Variants in SYNPO2 observed in about 807,000 individuals in gnomAD.
The protein encoded by SYNPO2 is synaptopodin 2, also known as synaptopodin-2.
A neutral mutation model predicts 85.0 loss-of-function variants in SYNPO2; 56 were observed. That is an observed-to-expected ratio of 0.66 (90% CI 0.53 to 0.82). The LOEUF (loss-of-function observed/expected upper bound fraction) is 0.82, where lower values mean the gene tolerates loss of function less well. Ranked by LOEUF, SYNPO2 falls within the 40% of genes least tolerant of loss-of-function variation. The pLI is 0.00. For synonymous variants in SYNPO2, 602 were observed against 591.1 expected, an observed-to-expected ratio of 1.02 and a Z score of -0.27; for missense variants, 1,575 against 1,534.2, an observed-to-expected ratio of 1.03 and a Z score of -0.44.
In SYNPO2 at chr4:118,876,507, A is replaced by T. The variant is rs576362831; in HGVS notation, c.12+25567A>T. Among the ~76,000 whole-genome samples, 3 of 152,260 alleles carry T rather than the reference A, an allele frequency of 2.0e-5. No individual in the cohort carries two copies. In the East Asian group the frequency reaches 5.8e-4, roughly 29 times the overall value. ...TCTCCAGTAAAATGTAGTCTCCAAG[A>T]TGCCAAGGAGGCATCTTTCCTTTGT... On this transcript the variant is annotated intron_variant, in intron 1 of 4. Coordinates refer to the SYNPO2 transcript ENST00000610556.
chr4:119,038,316 C>A, intron 4 of SYNPO2: 1 of 984,640 alleles, frequency 1.0e-6, no homozygotes. Context: ...GATGCTATGA[C>A]GCATGTTGAA....
upstream of SYNPO2, among the ~76,000 whole-genome samples, chr4:118,886,540 A>G (rs1732203190): frequency 6.6e-6 from 1 of 152,152 alleles, no homozygotes; most frequent in Non-Finnish European, 1.5e-5. Flanking sequence ...GCTGAGAATG[A>G]TGGCTTCCAG....
At chr4:118,891,406 CT>C (rs1732376754) in intron 1 of SYNPO2, among the ~76,000 whole-genome samples, 1 of 152,124 alleles carries the variant, frequency 6.6e-6, no homozygotes, top group Admixed American at 6.6e-5. Context: ...GTTAAAAAGA[CT>C]AAAGAGCTAT....
At chr4:118,977,075 T>TG (rs1257863146) in intron 1 of SYNPO2, among the ~76,000 whole-genome samples, 1 of 152,162 alleles carries the variant, frequency 6.6e-6, no homozygotes. Flanking sequence ...GGGTGGTCGA[T>TG]GGGACTGGGC....
chr4:119,016,442 A>G (rs1158460284), intron 1 of SYNPO2, among the ~76,000 whole-genome samples: 1 of 152,120 alleles, frequency 6.6e-6, no homozygotes, highest in Non-Finnish European at 1.5e-5. Flanking sequence ...ATCAACTAAA[A>G]TTTAGGAAAC....
chr4:118,916,998 G>A (rs1290605261), intron 1 of SYNPO2, among the ~76,000 whole-genome samples: 1 of 152,000 alleles, frequency 6.6e-6, no homozygotes, highest in Non-Finnish European at 1.5e-5. Context: ...GCCTCTCAAA[G>A]TGTTGGGATT....
intron 1 of SYNPO2, among the ~76,000 whole-genome samples, chr4:118,918,558 G>A (rs1434177072): frequency 6.6e-6 from 1 of 152,140 alleles, no homozygotes; most frequent in Non-Finnish European, 1.5e-5. Flanking sequence ...ACTGGGAATA[G>A]TTCTCCTCTG....
intron 1 of SYNPO2, among the ~76,000 whole-genome samples, chr4:118,876,225 A>G (rs988693472): frequency 3.9e-5 from 6 of 152,110 alleles, no homozygotes; most frequent in Admixed American, 6.5e-5. Flanking sequence ...CCACACTTCA[A>G]TTGCACTAGT....
Position 119,057,862 on chromosome 4 carries a change from G to T in SYNPO2, c.3714G>T (p.Arg1238Ser), listed in dbSNP as rs778058218. 6.2e-7 allele frequency: 1 copy of T among 1,614,028 alleles called. No individual in the cohort carries two copies. Among genetic ancestry groups the T allele is most frequent in the East Asian group, 2.2e-5 (1 of 44,862 alleles). Residue 1238 changes from arginine to serine, a missense_variant, in exon 5 of 5, where the codon AGG becomes AGT. Physicochemically the swap from Arg to Ser is moderately radical, Grantham distance 110 (BLOSUM62 -1). Coordinates refer to ENST00000307142, the MANE Select transcript of SYNPO2 (RefSeq NM_133477.3). ...CTGCAATCATGTCCATGGAAACCAG[G>T]TCTGATTACTGTCTTCCAGTAGCTG... Reference protein sequence around the residue: ...NDSAIMSMETRSDYCLPVADY... With the variant: ...NDSAIMSMETSSDYCLPVADY...
At chr4:118,858,368 C>T (rs1731545846) in intron 1 of SYNPO2, among the ~76,000 whole-genome samples, 1 of 152,172 alleles carries the variant, frequency 6.6e-6, no homozygotes, top group South Asian at 2.1e-4. Flanking sequence ...GAACTTTCAA[C>T]ACTTTAATGC....
At position 119,031,802 on chromosome 4, in the gene SYNPO2, G is replaced by A. The variant is rs754690338; in HGVS notation, c.3027G>A (p.Arg1009=). Residue 1009 remains arginine (R), a synonymous_variant, in exon 4 of 5, where the codon CGG becomes CGA. Transcript: ENST00000307142. ...CCATGAAGCAAGCTCTTCCTCCCCG[G>A]CCAGTGAATGCTGCCTCACCTACGA... is the stretch of plus-strand genomic sequence containing the variant. ...ALAMKQALPP[R]PVNAASPTNV... 11 of 1,614,036 alleles carry A rather than the reference G, an allele frequency of 6.8e-6. No individual in the cohort carries two copies. In the African/African-American group the frequency reaches 1.5e-4, roughly 22 times the overall value.
rs777355623 is a variant in SYNPO2, at chr4:119,030,925, C to T, written c.2150C>T (p.Ser717Leu). 6.2e-7 allele frequency: 1 copy of T among 1,614,174 alleles called. No homozygotes were observed. Among genetic ancestry groups the T allele is most frequent in the Non-Finnish European group, 8.5e-7 (1 of 1,180,028 alleles). Residue 717 changes from serine (S) to leucine (L), a missense_variant, in exon 4 of 5, where the codon TCA becomes TTA. Ser to Leu is a moderately radical substitution (Grantham distance 145, BLOSUM62 -2). This residue lies in a region of SYNPO2 where 1,508 missense variants were observed against 1,446.8 expected (regional missense o/e 1.04). Transcript: ENST00000307142. ...GAACTCTTGTCACTCCTTCAAAATT[C>T]AGAAGGCAAACGGGGCACTGGAGCT... ...NPELLSLLQN[S>L]EGKRGTGAGG...
intron 1 of SYNPO2, among the ~76,000 whole-genome samples, chr4:118,919,609 A>G (rs1020921874): frequency 6.6e-6 from 1 of 152,192 alleles, no homozygotes; most frequent in South Asian, 2.1e-4. Context: ...TGATTTTGCA[A>G]GTGTTATTGT....
chr4:119,018,149 G>T (rs1737588171), intron 1 of SYNPO2, among the ~76,000 whole-genome samples: 1 of 151,946 alleles, frequency 6.6e-6, no homozygotes, highest in African/African-American at 2.4e-5. Context: ...AATCTTTCCT[G>T]GCATGGATCA....
At chr4:119,040,691 G>C (rs1025245038) in intron 4 of SYNPO2, among the ~76,000 whole-genome samples, 1 of 152,204 alleles carries the variant, frequency 6.6e-6, no homozygotes, top group African/African-American at 2.4e-5. Flanking sequence ...TCTCTAAACA[G>C]GATAGTTGGT....
chr4:118,910,609 T>C (rs1460422705), intron 1 of SYNPO2, among the ~76,000 whole-genome samples: 1 of 152,128 alleles, frequency 6.6e-6, no homozygotes, highest in Non-Finnish European at 1.5e-5. Context: ...AGAAGAGTGC[T>C]TTTAGGGACT....
intron 1 of SYNPO2, among the ~76,000 whole-genome samples, chr4:118,892,573 A>G (rs1732411006): frequency 6.6e-6 from 1 of 152,166 alleles, no homozygotes; most frequent in Admixed American, 6.5e-5. Flanking sequence ...TTGGCAAATC[A>G]CTTTGAAAAA....
In SYNPO2 at chr4:118,938,757, T is replaced by A. The variant is rs535438930; in HGVS notation, c.105+49616T>A. ...AAACAATTTGTAAGAGATATGTAAG[T>A]ACTTACTTTCAGATGCATTGAAAAA... On this transcript the variant is annotated intron_variant, in intron 1 of 4. Transcript: ENST00000307142. Among the ~76,000 whole-genome samples, 7 of 152,354 alleles carry A rather than the reference T, an allele frequency of 4.6e-5. No individual in the cohort carries two copies. In the South Asian group the frequency reaches 1.4e-3, roughly 32 times the overall value.
intron 4 of SYNPO2, among the ~76,000 whole-genome samples, chr4:119,048,140 G>A (rs1738926943): frequency 6.6e-6 from 1 of 152,128 alleles, no homozygotes; most frequent in African/African-American, 2.4e-5. Flanking sequence ...TAGAAAAATT[G>A]GTTTGTTCAT....
Sources: gnomAD v4.1 joint callset for allele counts (sites outside exome capture counted in the v4.1 genomes callset) on GRCh38, gnomAD v4.1.1 for gene constraint, gnomAD v4.1.1 regional missense constraint, MANE v1.5 for transcripts, NCBI Gene and HGNC (gene_info 2026-07-23, HGNC 2026-07-21) for gene names.